The following KCNK12 variants were observed in gnomAD, a reference collection of about 807,000 sequenced individuals.
The protein encoded by KCNK12 is potassium channel subfamily K member 12.
A neutral mutation model predicts 25.3 loss-of-function variants in KCNK12; 6 were observed. That is an observed-to-expected ratio of 0.24 (90% CI 0.13 to 0.47). KCNK12 has a LOEUF of 0.47. Among genes scored for constraint, KCNK12 ranks in the 20% least tolerant of loss-of-function variants. The probability of loss-of-function intolerance (pLI) is 0.99; values close to 1 mark genes in which losing one functional copy is unlikely to be tolerated. For synonymous variants in KCNK12, 331 were observed against 311.1 expected, an observed-to-expected ratio of 1.06 and a Z score of -0.67; for missense variants, 444 against 661.7, an observed-to-expected ratio of 0.67 and a Z score of 3.61.
rs1272370978 is a variant in KCNK12, at chr2:47,534,759, C to T, written c.392-12951G>A. The stretch of plus-strand genomic sequence containing the variant: ...GGGGAACAGCTCCAGGGTCATACCA[C>T]CTCTCAGAAGGGAGACAGACCAGCC... On this transcript the variant is annotated intron_variant, in intron 1 of 1. Transcript: ENST00000327876. The T allele has an allele frequency of 5.6e-5, 10 of 177,548 alleles. No individual in the cohort carries two copies. In the Admixed American group the frequency reaches 6.3e-4, roughly 11 times the overall value. The allele number at this position is 177,548 out of a possible 1,614,324, so 11.0% of individuals were successfully genotyped here.
At chr2:47,522,291 A>G (rs996164996) in intron 1 of KCNK12, among the ~76,000 whole-genome samples, 2 of 152,222 alleles carry the variant, frequency 1.3e-5, no homozygotes, top group Admixed American at 1.3e-4. Flanking sequence ...TATTTACATT[A>G]GAAATCAAAA....
chr2:47,521,869 G>A, intron 1 of KCNK12, 61 bp from the exon 2 acceptor site: 1 of 1,411,684 alleles, frequency 7.1e-7, no homozygotes, highest in Non-Finnish European at 9.3e-7. Context: ...CACTGGGCGA[G>A]GGTGGGGGGT....
chr2:47,510,366 T>G lies in KCNK12; in HGVS notation c.*10541A>C, dbSNP rs1668371730. 1 of 152,196 alleles carries G rather than the reference T, an allele frequency of 6.6e-6. No individual in the cohort carries two copies. Among genetic ancestry groups the G allele is most frequent in the East Asian group, 1.9e-4 (1 of 5,196 alleles). The allele number at this position is 152,196 out of a possible 1,614,324, so 9.4% of individuals were successfully genotyped here. ...GATTTTTATTCCTTAAAACTACCCT[T>G]CAATGGGTTTTCTGTTCATTACAGT... is the stretch of plus-strand genomic sequence containing the variant. On this transcript the variant is annotated 3_prime_UTR_variant, in exon 2 of 2. Transcript: ENST00000327876.
intron 1 of KCNK12, among the ~76,000 whole-genome samples, chr2:47,550,661 G>T (rs1049680762): frequency 6.6e-6 from 1 of 152,012 alleles, no homozygotes; most frequent in Non-Finnish European, 1.5e-5. Flanking sequence ...GGGATTACAG[G>T]TGTGAGCCAC....
intron 1 of KCNK12, among the ~76,000 whole-genome samples, chr2:47,523,426 T>C (rs1668703878): frequency 6.6e-6 from 1 of 152,242 alleles, no homozygotes; most frequent in Non-Finnish European, 1.5e-5. Context: ...GGTCCTGTGC[T>C]GCTGGTATAT....
At chr2:47,534,173 T>C (rs778316350) in intron 1 of KCNK12, among the ~76,000 whole-genome samples, 1 of 151,968 alleles carries the variant, frequency 6.6e-6, no homozygotes, top group Non-Finnish European at 1.5e-5. Flanking sequence ...AGTGACTTCT[T>C]TGAATCGACT....
chr2:47,533,006 T>C lies in KCNK12; in HGVS notation c.392-11198A>G, dbSNP rs891247471. Among the ~76,000 whole-genome samples, 2 of 151,928 alleles carry C rather than the reference T, an allele frequency of 1.3e-5. No homozygotes were observed. The highest frequency in any genetic ancestry group is 2.9e-5 in the Non-Finnish European group (2 of 67,952). On this transcript the variant is annotated intron_variant, in intron 1 of 1. Coordinates refer to ENST00000327876, the MANE Select transcript of KCNK12 (RefSeq NM_022055.2). The surrounding 1 kb of genome is among the most constrained non-coding windows in gnomAD (Gnocchi z 4.7). ...CTCTAAAAATGGCCCAATGCCCTAC[T>C]TATTTATTTATTTTTTATTTTTTTG...
chr2:47,562,254 C>A lies in KCNK12; in HGVS notation c.391+7687G>T. ...GCACTGCTGCATGCTATCCTACCTTCCTGGTCTGTAACATCTGTTGCTGTT... is the reference window on the plus strand; with the variant it reads ...GCACTGCTGCATGCTATCCTACCTTACTGGTCTGTAACATCTGTTGCTGTT... On this transcript the variant is annotated intron_variant, in intron 1 of 1. Coordinates refer to ENST00000327876, the MANE Select transcript of KCNK12 (RefSeq NM_022055.2). This position sits in a 1 kb window ranked among gnomAD's most constrained non-coding sequence, Gnocchi z 4.8. 2.5e-6 allele frequency: 1 copy of A among 397,492 alleles called. No individual in the cohort carries two copies. The allele number at this position is 397,492 out of a possible 1,614,324, so 24.6% of individuals were successfully genotyped here.
rs1668365452 is a variant in KCNK12, at chr2:47,510,152, C to G, written c.*10755G>C. 6.6e-6 allele frequency: 1 copy of G among 152,160 alleles called. No individual in the cohort carries two copies. Among genetic ancestry groups the G allele is most frequent in the African/African-American group, 2.4e-5 (1 of 41,430 alleles). The allele number at this position is 152,160 out of a possible 1,614,324, so 9.4% of individuals were successfully genotyped here. A position where few individuals can be genotyped will look rare whatever the true frequency, so the allele number is the denominator to read the frequency against. The stretch of plus-strand genomic sequence containing the variant: ...ATTTTTTACCTTCTCCCTGCTACTT[C>G]TTGCTACTAGTAACATGGATGTGAG... On this transcript the variant is annotated 3_prime_UTR_variant, in exon 2 of 2. Transcript: ENST00000327876.
At position 47,517,759 on chromosome 2, in the gene KCNK12, A is replaced by G. The variant is rs1668559270; in HGVS notation, c.*3148T>C. On this transcript the variant is annotated 3_prime_UTR_variant, in exon 2 of 2. Transcript: ENST00000327876. The surrounding 1 kb of genome is among the most constrained non-coding windows in gnomAD (Gnocchi z 4.1). ...CCTGACCACCTGGCTTTAGCAAGCT[A>G]GGACACCCAGGGTGGCTTCTTTACC... is the stretch of plus-strand genomic sequence containing the variant. 6.6e-6 allele frequency: 1 copy of G among 152,214 alleles called. No homozygotes were observed. Among genetic ancestry groups the G allele is most frequent in the South Asian group, 2.1e-4 (1 of 4,828 alleles). The allele number at this position is 152,214 out of a possible 1,614,324, so 9.4% of individuals were successfully genotyped here.
At chr2:47,564,544 G>C (rs1039077653) in intron 1 of KCNK12, 26 of 204,114 alleles carry the variant, frequency 1.3e-4, no homozygotes, top group Non-Finnish European at 2.3e-4. Flanking sequence ...AACAACATCA[G>C]TAATAAAATG....
In KCNK12 at chr2:47,569,462, AAAG is replaced by A. The variant is rs1669844336; in HGVS notation, c.391+476_391+478del. Among the ~76,000 whole-genome samples the A allele has an allele frequency of 6.6e-6, 1 of 151,856 alleles. No individual in the cohort carries two copies. The highest frequency in any genetic ancestry group is 2.4e-5 in the African/African-American group (1 of 41,322). On this transcript the variant is annotated intron_variant, in intron 1 of 1. Transcript: ENST00000327876. This position sits in a 1 kb window ranked among gnomAD's most constrained non-coding sequence, Gnocchi z 4.1. Reference sequence around the variant, plus strand: ...GGCAAGTGGTCACCCTCTCCAGGGTAAAGGAGTTAGAGGCCACTGAGGGAGAAA... The same window carrying A: ...GGCAAGTGGTCACCCTCTCCAGGGTAGAGTTAGAGGCCACTGAGGGAGAAA...
chr2:47,543,320 G>A (rs968876117), intron 1 of KCNK12: 1 of 150,568 alleles, frequency 6.6e-6, no homozygotes, highest in Non-Finnish European at 1.5e-5. Context: ...TGAGGCTTAT[G>A]TGGGGTTTTC....
In KCNK12 at chr2:47,510,086, A is replaced by C. The variant is rs1214312707; in HGVS notation, c.*10821T>G. 4 of 152,194 alleles carry C rather than the reference A, an allele frequency of 2.6e-5. No individual in the cohort carries two copies. Among genetic ancestry groups the C allele is most frequent in the Non-Finnish European group, 4.4e-5 (3 of 68,030 alleles). The allele number at this position is 152,194 out of a possible 1,614,324, so 9.4% of individuals were successfully genotyped here. Reference sequence around the variant, plus strand: ...TTCTGGTCAATGAGATGCAGCAGAAAGTCCTAGGGAGGTCTAGGAAAAGTC... The same window carrying C: ...TTCTGGTCAATGAGATGCAGCAGAACGTCCTAGGGAGGTCTAGGAAAAGTC... On this transcript the variant is annotated 3_prime_UTR_variant, in exon 2 of 2. Transcript: ENST00000327876.
At chr2:47,543,207 T>G (rs1038188168) in intron 1 of KCNK12, 1 of 151,958 alleles carries the variant, frequency 6.6e-6, no homozygotes, top group Non-Finnish European at 1.5e-5. Context: ...ACAACCACCG[T>G]CACCACAATA....
At position 47,518,970 on chromosome 2, in the gene KCNK12, T is replaced by C. The variant is rs1193171188; in HGVS notation, c.*1937A>G. The C allele has an allele frequency of 6.6e-6, 1 of 152,254 alleles. No individual in the cohort carries two copies. Among genetic ancestry groups the C allele is most frequent in the Non-Finnish European group, 1.5e-5 (1 of 68,054 alleles). 9.4% of individuals were successfully genotyped at this position (152,254 alleles called of 1,614,324 possible). A position where few individuals can be genotyped will look rare whatever the true frequency, so the allele number is the denominator to read the frequency against. On this transcript the variant is annotated 3_prime_UTR_variant, in exon 2 of 2. Transcript: ENST00000327876. This position sits in a 1 kb window ranked among gnomAD's most constrained non-coding sequence, Gnocchi z 4.1. ...GTGCGCCCCTGCGTGGGCAATCCCT[T>C]CACTGTGACCGCAACCATGGGTTGG...
chr2:47,563,374 G>C, intron 1 of KCNK12: 2 of 233,536 alleles, frequency 8.6e-6, no homozygotes, highest in Middle Eastern at 1.3e-3. Flanking sequence ...TGTGCTGTTT[G>C]TGTGAGAATT....
chr2:47,551,470 C>T lies in KCNK12; in HGVS notation c.391+18471G>A, dbSNP rs1220875019. 2.0e-5 allele frequency among the ~76,000 whole-genome samples: 3 copies of T among 152,186 alleles called. No homozygotes were observed. Among genetic ancestry groups the T allele is most frequent in the Non-Finnish European group, 4.4e-5 (3 of 68,034 alleles). On this transcript the variant is annotated intron_variant, in intron 1 of 1. Coordinates refer to ENST00000327876, the MANE Select transcript of KCNK12 (RefSeq NM_022055.2). The surrounding 1 kb of genome is among the most constrained non-coding windows in gnomAD (Gnocchi z 5.3). ...ATCTCCCCCAACTAGAATGTTAGCTCCATAAGCTAGGGACTTTGTCTACTT... is the reference window on the plus strand; with the variant it reads ...ATCTCCCCCAACTAGAATGTTAGCTTCATAAGCTAGGGACTTTGTCTACTT...
chr2:47,518,786 A>G lies in KCNK12; in HGVS notation c.*2121T>C, dbSNP rs1668581980. 6.6e-6 allele frequency: 1 copy of G among 152,068 alleles called. No homozygotes were observed. Among genetic ancestry groups the G allele is most frequent in the Non-Finnish European group, 1.5e-5 (1 of 68,032 alleles). 9.4% of individuals were successfully genotyped at this position (152,068 alleles called of 1,614,324 possible). On this transcript the variant is annotated 3_prime_UTR_variant, in exon 2 of 2. Transcript: ENST00000327876. This position sits in a 1 kb window ranked among gnomAD's most constrained non-coding sequence, Gnocchi z 4.1. ...CTGTCTAGATGCCTCTATCATGGGGATCTCTTCTTCCCTCTCTGGATGGCT... is the reference window on the plus strand; with the variant it reads ...CTGTCTAGATGCCTCTATCATGGGGGTCTCTTCTTCCCTCTCTGGATGGCT...
Sources: allele counts gnomAD v4.1 joint callset (sites outside exome capture counted in the v4.1 genomes callset), GRCh38; gene constraint gnomAD v4.1.1; non-coding constraint Gnocchi (gnomAD v3.1); transcripts MANE v1.5; gene names NCBI Gene and HGNC (gene_info 2026-07-23, HGNC 2026-07-21).